The following SYNE2 variants were observed in gnomAD, a reference collection of about 807,000 sequenced individuals.
SYNE2 encodes the protein nesprin-2.
Under a neutral mutation model 856.3 loss-of-function variants are expected in SYNE2, and 431 were observed. That is an observed-to-expected ratio of 0.50 (90% CI 0.47 to 0.55). The LOEUF (loss-of-function observed/expected upper bound fraction) is 0.55, where lower values mean the gene tolerates loss of function less well. SYNE2 is among the 20% of genes least tolerant of loss of function. SYNE2 has a pLI of 0.00. For missense variants in SYNE2, 8,129 were observed against 8,023.2 expected (o/e 1.01, Z -0.50); for synonymous variants, 2,923 against 2,872.3 (o/e 1.02, Z -0.56).
At position 63,932,389 on chromosome 14, in the gene SYNE2, AAAAAC is replaced by A. The variant is rs1468721932; in HGVS notation, c.80-8210_80-8206del. Among the ~76,000 whole-genome samples, 11 of 152,258 alleles carry A rather than the reference AAAAAC, an allele frequency of 7.2e-5. 1 individual carries two copies. Among genetic ancestry groups the A allele is most frequent in the Middle Eastern group, 3.4e-3 (1 of 294 alleles). ...AAGAGTGAAACTCCATCTCAAAGAA[AAAAAC>A]AAAACAAAACAAAAAAGAAAGGGGA... On this transcript the variant is annotated intron_variant, in intron 2 of 115. Transcript: ENST00000555002.
At chr14:63,833,182 C>T (rs1889730658) in intron 1 of SYNE2, among the ~76,000 whole-genome samples, 1 of 151,778 alleles carries the variant, frequency 6.6e-6, no homozygotes, top group African/African-American at 2.4e-5. Context: ...GTGCTCCAGC[C>T]TGGGTGACAA....
intron 2 of SYNE2, among the ~76,000 whole-genome samples, chr14:63,923,329 G>T (rs553490025): frequency 2.0e-4 from 30 of 152,346 alleles, no homozygotes; most frequent in Non-Finnish European, 2.9e-4. Context: ...GTTTACACAA[G>T]GGTGTGGTTT....
intron 114 of SYNE2, 118 bp downstream of exon 114, chr14:64,224,665 C>A: frequency 1.8e-6 from 2 of 1,142,334 alleles, no homozygotes; most frequent in Non-Finnish European, 2.6e-6. Flanking sequence ...CAGGTCTCTG[C>A]TGACCCATAG....
At chr14:63,998,801 A>G in intron 26 of SYNE2, 113 bp from the exon 27 acceptor site, 6 of 1,184,952 alleles carry the variant, frequency 5.1e-6, no homozygotes, top group Non-Finnish European at 7.4e-6. Flanking sequence ...GACCTCAGGC[A>G]ATCCACCCGC....
intron 1 of SYNE2, among the ~76,000 whole-genome samples, chr14:63,826,241 C>A (rs1370326005): frequency 6.6e-6 from 1 of 152,004 alleles, no homozygotes; most frequent in Non-Finnish European, 1.5e-5. Flanking sequence ...CAAGTAAATT[C>A]TTCCACTTAT....
chr14:63,995,985 T>G (rs1452001927), intron 23 of SYNE2, among the ~76,000 whole-genome samples: 1 of 152,208 alleles, frequency 6.6e-6, no homozygotes, highest in Non-Finnish European at 1.5e-5. Context: ...GCAATGATAG[T>G]GCGTCAATTT....
At chr14:63,947,190 T>C (rs190572357) in intron 6 of SYNE2, among the ~76,000 whole-genome samples, 98 of 152,264 alleles carry the variant, frequency 6.4e-4, no homozygotes, top group African/African-American at 2.3e-3. Flanking sequence ...ATGAAGGTAT[T>C]CTCTTACATT....
chr14:63,762,531 C>A (rs1886524737), intron 1 of SYNE2, among the ~76,000 whole-genome samples: 1 of 145,854 alleles, frequency 6.9e-6, no homozygotes, highest in Admixed American at 6.9e-5. Flanking sequence ...CTAGAATGGA[C>A]TGGATCATTA....
rs765014161 is a variant in SYNE2 at position 64,053,243 on chromosome 14, C to T, written c.9330C>T (p.Thr3110=). 8.1e-6 allele frequency: 13 copies of T among 1,611,146 alleles called. No homozygotes were observed. Among genetic ancestry groups the T allele is most frequent in the Non-Finnish European group, 1.1e-5 (13 of 1,179,254 alleles). Residue 3110 remains threonine, a synonymous_variant, in exon 48 of 116, where the codon ACC becomes ACT. Transcript: ENST00000555002. The part of the protein sequence containing the change: ...EIIKKLNENK[T]FDDSFKEKEI... ...TAAAGAAATTAAATGAAAATAAGACCTTTGATGACTCATTCAAGGAGAAAG... is the reference window on the plus strand; with the variant it reads ...TAAAGAAATTAAATGAAAATAAGACTTTTGATGACTCATTCAAGGAGAAAG...
At chr14:63,773,990 G>C (rs1217922077) in intron 1 of SYNE2, among the ~76,000 whole-genome samples, 1 of 152,122 alleles carries the variant, frequency 6.6e-6, no homozygotes, top group African/African-American at 2.4e-5. Flanking sequence ...GCATTTCATG[G>C]ATTTTCAAGT....
chr14:63,986,694 G>A (rs1311022961), intron 19 of SYNE2, 77 bp downstream of exon 19: 2 of 1,467,146 alleles, frequency 1.4e-6, no homozygotes, highest in East Asian at 2.3e-5. Context: ...AAGTTTTAAA[G>A]TAAGTAGTAA....
At chr14:64,080,669 CAT>C (rs1197359154) in intron 56 of SYNE2, 31 bp downstream of exon 56, 1 of 1,609,288 alleles carries the variant, frequency 6.2e-7, no homozygotes, top group East Asian at 2.2e-5. Flanking sequence ...AGCTTCATAT[CAT>C]GTGGTGGTAT....
chr14:64,015,587 C>T (rs1033603326), intron 32 of SYNE2, among the ~76,000 whole-genome samples: 6 of 151,856 alleles, frequency 4.0e-5, no homozygotes, highest in South Asian at 2.1e-4. Flanking sequence ...TGCTTTTGTC[C>T]GTCTTTCTAG....
intron 57 of SYNE2, among the ~76,000 whole-genome samples, chr14:64,083,718 G>A (rs1182679196): frequency 6.6e-6 from 1 of 152,030 alleles, no homozygotes; most frequent in Non-Finnish European, 1.5e-5. Context: ...AGCATATTCA[G>A]GTATTAGTTT....
rs116981837 is a variant in SYNE2, at chr14:63,866,624, C to G, written c.-52+13481C>G. 5.8e-3 allele frequency among the ~76,000 whole-genome samples: 888 copies of G among 152,284 alleles called. 6 individuals are homozygous for G. The highest frequency in any genetic ancestry group is 9.5e-3 in the Non-Finnish European group (643 of 68,040). On this transcript the variant is annotated intron_variant, in intron 1 of 115. Coordinates refer to ENST00000555002, the MANE Select transcript of SYNE2 (RefSeq NM_182914.3). ...TTAAAAGTGAGAACAGGTAAATTCT[C>G]TAACATACATGATCAAAATTGTAAG...
intron 63 of SYNE2, among the ~76,000 whole-genome samples, chr14:64,101,274 C>G (rs8009812): frequency 0.052 from 7,870 of 152,120 alleles, 597 homozygotes; most frequent in African/African-American, 0.17. Context: ...TCTCCACATC[C>G]TCATGACCAC....
At chr14:63,897,825 C>A (rs1457884337) in intron 1 of SYNE2, among the ~76,000 whole-genome samples, 9 of 152,306 alleles carry the variant, frequency 5.9e-5, no homozygotes, top group African/African-American at 2.2e-4. Flanking sequence ...GACCTCAGCT[C>A]TTATTTTCCT....
chr14:64,027,522 T>C lies in SYNE2; in HGVS notation c.6443T>C (p.Leu2148Ser). The change falls in exon 43 of 116, where the codon TTA becomes TCA. Residue 2148 changes from leucine to serine, a missense_variant. By Grantham distance (145) the Leu-to-Ser change is moderately radical. Around this residue, in one of 3 missense-constraint regions of SYNE2, gnomAD observed 297 missense variants for 380.9 expected, o/e 0.78. Transcript: ENST00000555002. ...CTTCTACTAGAAGGAGAGAAATATT[T>C]ACAAAGTAAGGAGGATCTGAGATTA... ...EKLLLEGEKYLQSKEDLRLML... is the reference protein window; with the variant it reads ...EKLLLEGEKYSQSKEDLRLML... 4 of 1,604,084 alleles carry C rather than the reference T, an allele frequency of 2.5e-6. No homozygotes were observed. Among genetic ancestry groups the C allele is most frequent in the Non-Finnish European group, 3.4e-6 (4 of 1,176,492 alleles).
chr14:63,991,218 GTAACT>G, intron 21 of SYNE2, 103 bp downstream of exon 21: 1 of 1,182,386 alleles, frequency 8.5e-7, no homozygotes, highest in Admixed American at 2.0e-5. Context: ...CTGAGTTACT[GTAACT>G]TAAAAAGAAT....
Sources: allele counts gnomAD v4.1 joint callset (sites outside exome capture counted in the v4.1 genomes callset), GRCh38; gene constraint gnomAD v4.1.1; regional missense constraint gnomAD v4.1.1; transcripts MANE v1.5; gene names NCBI Gene and HGNC (gene_info 2026-07-23, HGNC 2026-07-21).